The following COMMD9 variants were observed in gnomAD, a reference collection of about 807,000 sequenced individuals.
COMMD9 encodes COMM domain-containing protein 9.
COMMD9 carries 22 observed loss-of-function variants against 23.4 expected under a neutral mutation model. The ratio of observed to expected loss-of-function variants is 0.94; its 90% CI spans 0.67 to 1.34. COMMD9 has a LOEUF of 1.34. Ranked by LOEUF, COMMD9 falls within the 40% of genes most tolerant of loss-of-function variation. The probability of loss-of-function intolerance (pLI) is 0.00; values close to 1 mark genes in which losing one functional copy is unlikely to be tolerated. For synonymous variants in COMMD9, 99 were observed against 97.4 expected (o/e 1.02, Z -0.10); for missense variants, 231 against 240.2 (o/e 0.96, Z 0.25).
chr11:36,282,824 G>A (rs1375571266), intron 1 of COMMD9, among the ~76,000 whole-genome samples: 1 of 152,190 alleles, frequency 6.6e-6, no homozygotes. Context: ...TCTGCAAGCT[G>A]GAGGATCAGA....
In COMMD9 at chr11:36,272,323, A is replaced by G. The variant is rs1590391492; in HGVS notation, c.*2309T>C. 1 of 160,316 alleles carries G rather than the reference A, an allele frequency of 6.2e-6. No homozygotes were observed. The highest frequency in any genetic ancestry group is 1.8e-4 in the East Asian group (1 of 5,460). 9.9% of individuals were successfully genotyped at this position (160,316 alleles called of 1,614,324 possible). Reference sequence around the variant, plus strand: ...GTAGCAAAGATTTATTGACTTTTCCAGTTATTTATCAAATGCCCTCTGCGT... The same window carrying G: ...GTAGCAAAGATTTATTGACTTTTCCGGTTATTTATCAAATGCCCTCTGCGT... On this transcript the variant is annotated 3_prime_UTR_variant, in exon 6 of 6. Coordinates refer to ENST00000263401, the MANE Select transcript of COMMD9 (RefSeq NM_014186.4).
chr11:36,286,772 G>T (rs773016484), intron 1 of COMMD9, among the ~76,000 whole-genome samples: 1 of 152,122 alleles, frequency 6.6e-6, no homozygotes, highest in Non-Finnish European at 1.5e-5. Flanking sequence ...ACACAACATG[G>T]ATGAAAATTA....
Position 36,280,724 on chromosome 11 carries a change from C to T in COMMD9, c.165G>A (p.Glu55=), listed in dbSNP as rs753207038. 22 of 1,603,672 alleles carry T rather than the reference C, an allele frequency of 1.4e-5. No individual in the cohort carries two copies. Among genetic ancestry groups the T allele is most frequent in the Non-Finnish European group, 1.9e-5 (22 of 1,174,602 alleles). Residue 55 remains glutamate, a synonymous_variant, in exon 2 of 6, where the codon GAG becomes GAA. Coordinates refer to ENST00000263401, the MANE Select transcript of COMMD9 (RefSeq NM_014186.4). Reference sequence around the variant, plus strand: ...TGACCACACTTACTTCCTCTGCCTCCTCCTGGGTCACAGACAAGCTGGAAC... The same window carrying T: ...TGACCACACTTACTTCCTCTGCCTCTTCCTGGGTCACAGACAAGCTGGAAC... ...VTCSSLSVTQ[E]EAEELLQALH... is the part of the protein sequence containing the mutation.
At chr11:36,284,923 A>C (rs569148194) in intron 1 of COMMD9, among the ~76,000 whole-genome samples, 1 of 152,238 alleles carries the variant, frequency 6.6e-6, no homozygotes. Context: ...ATACTAGAAA[A>C]GAGGAAAAGT....
rs931265954 is a variant in COMMD9, at chr11:36,289,382, C to T, written c.31G>A (p.Ala11Thr). The T allele has an allele frequency of 6.4e-7, 1 of 1,552,028 alleles. No individual in the cohort carries two copies. The highest frequency in any genetic ancestry group is 2.0e-5 in the Admixed American group (1 of 51,016). MAALTAEHFA[A>T]LQSLLKASSK... is the part of the protein sequence containing the mutation. Reference sequence around the variant, plus strand: ...CTTACCTTGAGCAGGCTCTGGAGTGCTGCAAAATGCTCCGCTGTCAGGGCA... The same window carrying T: ...CTTACCTTGAGCAGGCTCTGGAGTGTTGCAAAATGCTCCGCTGTCAGGGCA... Residue 11 changes from alanine (A) to threonine (T), a missense_variant, in exon 1 of 6, where the codon GCA (alanine) becomes ACA (threonine). By Grantham distance (58) the Ala-to-Thr change is moderately conservative. Transcript: ENST00000263401.
At chr11:36,282,335 A>C (rs1290217586) in intron 1 of COMMD9, among the ~76,000 whole-genome samples, 1 of 152,172 alleles carries the variant, frequency 6.6e-6, no homozygotes, top group African/African-American at 2.4e-5. Flanking sequence ...AATCCAAAGA[A>C]ATTCATACCC....
intron 5 of COMMD9, among the ~76,000 whole-genome samples, chr11:36,275,123 C>T (rs1443717779): frequency 6.6e-6 from 1 of 152,216 alleles, no homozygotes; most frequent in Non-Finnish European, 1.5e-5. Flanking sequence ...CTGTTGGATA[C>T]TTCAGACAAT....
intron 1 of COMMD9, among the ~76,000 whole-genome samples, chr11:36,288,557 C>T (rs967821340): frequency 2.0e-5 from 3 of 152,182 alleles, no homozygotes; most frequent in Non-Finnish European, 4.4e-5. Flanking sequence ...AATCCCAACA[C>T]TTTGGAAGGC....
In COMMD9 at chr11:36,289,351, C is replaced by G; in HGVS notation, c.51+11G>C. 1 of 1,551,520 alleles carries G rather than the reference C, an allele frequency of 6.4e-7. No homozygotes were observed. The highest frequency in any genetic ancestry group is 8.7e-7 in the Non-Finnish European group (1 of 1,146,824). On this transcript the variant is annotated intron_variant, in intron 1 of 5. Transcript: ENST00000263401. ...GGGCCACCTCACGCTGTCCCCACCC[C>G]TTCGACTTACCTTGAGCAGGCTCTG...
rs1855908278 is a variant in COMMD9, at chr11:36,273,298, A to C, written c.*1334T>G. The C allele has an allele frequency of 6.6e-6, 1 of 152,214 alleles. No individual in the cohort carries two copies. Among genetic ancestry groups the C allele is most frequent in the African/African-American group, 2.4e-5 (1 of 41,462 alleles). The allele number at this position is 152,214 out of a possible 1,614,324, so 9.4% of individuals were successfully genotyped here. A position where few individuals can be genotyped will look rare whatever the true frequency, so the allele number is the denominator to read the frequency against. ...GAAGCTGCCAAAACAAAGCACTCCA[A>C]GAGCAGGCTGCAAGCTGTTGCCATG... is the stretch of plus-strand genomic sequence containing the variant. On this transcript the variant is annotated 3_prime_UTR_variant, in exon 6 of 6. Transcript: ENST00000263401.
chr11:36,275,446 C>CTT (rs11458932), intron 5 of COMMD9, among the ~76,000 whole-genome samples: 66 of 142,482 alleles, frequency 4.6e-4, no homozygotes, highest in South Asian at 6.7e-4. Context: ...CTAGTAGAAA[C>CTT]TTTTTTTTTT....
intron 1 of COMMD9, among the ~76,000 whole-genome samples, chr11:36,287,014 TG>T (rs1856169678): frequency 6.6e-6 from 1 of 151,866 alleles, no homozygotes; most frequent in African/African-American, 2.4e-5. Context: ...ATTTCCCCTA[TG>T]CAGAACCATA....
At chr11:36,275,737 C>T (rs1474701502) in intron 5 of COMMD9, among the ~76,000 whole-genome samples, 1 of 152,200 alleles carries the variant, frequency 6.6e-6, no homozygotes, top group Non-Finnish European at 1.5e-5. Context: ...CCACTGCTCC[C>T]AGCGACTAGT....
At chr11:36,288,490 C>T (rs1455374352) in intron 1 of COMMD9, among the ~76,000 whole-genome samples, 2 of 152,156 alleles carry the variant, frequency 1.3e-5, no homozygotes, top group Non-Finnish European at 2.9e-5. Flanking sequence ...GCCCTTTCTC[C>T]TACAGGGCAA....
chr11:36,276,407 G>C (rs918674373), intron 4 of COMMD9, 167 bp from the exon 5 acceptor site: 12 of 597,194 alleles, frequency 2.0e-5, no homozygotes, highest in Non-Finnish European at 3.6e-5. Context: ...CGAGTCATGT[G>C]CCTTACCCAT....
chr11:36,281,003 T>C (rs774986681), intron 1 of COMMD9, among the ~76,000 whole-genome samples, 166 bp from the exon 2 acceptor site: 41 of 152,202 alleles, frequency 2.7e-4, no homozygotes, highest in Non-Finnish European at 5.1e-4. Context: ...TTCCCTAATC[T>C]TGCTGCTAAG....
At position 36,276,280 on chromosome 11, in the gene COMMD9, G is replaced by T. The variant is rs537717308; in HGVS notation, c.353-40C>A. ...GCTCAGCTCAATGCTCATGCCGCCC[G>T]TGTTTACCAAGCATTTATTGTACGA... On this transcript the variant is annotated intron_variant, in intron 4 of 5. Coordinates refer to ENST00000263401, the MANE Select transcript of COMMD9 (RefSeq NM_014186.4). 6 of 1,421,840 alleles carry T rather than the reference G, an allele frequency of 4.2e-6. No homozygotes were observed. In the African/African-American group the frequency reaches 5.6e-5, roughly 13 times the overall value. 88.1% of individuals were successfully genotyped at this position (1,421,840 alleles called of 1,614,324 possible).
At chr11:36,287,831 G>A (rs1856198147) in intron 1 of COMMD9, among the ~76,000 whole-genome samples, 1 of 152,120 alleles carries the variant, frequency 6.6e-6, no homozygotes, top group Admixed American at 6.5e-5. Context: ...GCAAAGAAAG[G>A]GCGAAAGGGG....
At position 36,276,176 on chromosome 11, in the gene COMMD9, G is replaced by C. The variant is rs778887464; in HGVS notation, c.417C>G (p.Ile139Met). The C allele has an allele frequency of 1.2e-6, 2 of 1,614,158 alleles. No homozygotes were observed. The highest frequency in any genetic ancestry group is 1.7e-6 in the Non-Finnish European group (2 of 1,179,992). The change falls in exon 5 of 6, where the codon ATC (isoleucine) becomes ATG (methionine). Residue 139 changes from isoleucine (I) to methionine (M), a missense_variant. Physicochemically the swap from Ile to Met is conservative, Grantham distance 10. Transcript: ENST00000263401. ...GGCAGGTGGGGACGGCCATGCGGCT[G>C]ATGCTGTCTGAGGAGGTTTTGATAT... ...RVDIKTSSDS[I>M]SRMAVPTCLL...
Sources: gnomAD v4.1 joint callset for allele counts (sites outside exome capture counted in the v4.1 genomes callset) on GRCh38, gnomAD v4.1.1 for gene constraint, MANE v1.5 for transcripts, NCBI Gene and HGNC (gene_info 2026-07-23, HGNC 2026-07-21) for gene names.